The following ADAMTS9 variants were observed in gnomAD, a reference collection of about 807,000 sequenced individuals.
ADAMTS9 encodes ADAM metallopeptidase with thrombospondin type 1 motif 9.
ADAMTS9 carries 107 observed loss-of-function variants against 257.1 expected under a neutral mutation model. That is an observed-to-expected ratio of 0.42 (90% CI 0.36 to 0.49). The LOEUF is 0.49. Ranked by LOEUF, ADAMTS9 falls within the 20% of genes least tolerant of loss-of-function variation. ADAMTS9 has a pLI of 0.03. For missense variants in ADAMTS9, 2,353 were observed against 2,469.1 expected (o/e 0.95, Z 1.00); for synonymous variants, 982 against 880.9 (o/e 1.11, Z -2.03).
chr3:64,525,024 T>C (rs1382630012), intron 38 of ADAMTS9, among the ~76,000 whole-genome samples: 1 of 152,198 alleles, frequency 6.6e-6, no homozygotes. Flanking sequence ...CTTCCTGACC[T>C]GGTTATCTGC....
At chr3:64,668,341 C>T (rs946768852) in intron 3 of ADAMTS9, among the ~76,000 whole-genome samples, 4 of 152,218 alleles carry the variant, frequency 2.6e-5, no homozygotes, top group African/African-American at 9.6e-5. Context: ...ACACTAGCCA[C>T]ATCTCAAGGG....
intron 28 of ADAMTS9, chr3:64,587,620 T>C (rs1181879845): frequency 6.6e-6 from 1 of 152,144 alleles, no homozygotes; most frequent in Non-Finnish European, 1.5e-5. Context: ...GCATAAGCTC[T>C]TTCTCATAAG....
At chr3:64,679,816 G>A (rs548220820) in intron 3 of ADAMTS9, among the ~76,000 whole-genome samples, 10 of 152,248 alleles carry the variant, frequency 6.6e-5, no homozygotes, top group East Asian at 1.9e-4. Flanking sequence ...TTACTAGCAC[G>A]GTCAAAACTG....
intron 37 of ADAMTS9, among the ~76,000 whole-genome samples, chr3:64,538,617 A>G (rs897734650): frequency 3.3e-5 from 5 of 152,118 alleles, no homozygotes; most frequent in African/African-American, 1.2e-4. Flanking sequence ...TTTTCTGTCT[A>G]ATCCATGTAA....
At position 64,681,835 on chromosome 3, in the gene ADAMTS9, C is replaced by T. The variant is rs77093421; in HGVS notation, c.517-472G>A. On this transcript the variant is annotated intron_variant, in intron 2 of 39. Coordinates refer to ENST00000498707, the MANE Select transcript of ADAMTS9 (RefSeq NM_182920.2). ...TTGATTTGACTTCAGTTGATTGTAC[C>T]TGCTATCCAAATCTGTCTCTAAGAA... is the stretch of plus-strand genomic sequence containing the variant. Among the ~76,000 whole-genome samples, 5 of 152,264 alleles carry T rather than the reference C, an allele frequency of 3.3e-5. No homozygotes were observed. In the East Asian group the frequency reaches 9.7e-4, roughly 29 times the overall value.
Position 64,568,420 on chromosome 3 carries a change from C to G in ADAMTS9, c.4472G>C (p.Arg1491Thr). ...CKHLAKPHGH[R>T]KCRGGRCPKW... Reference sequence around the variant, plus strand: ...GGGGCATCTTCCTCCTCGGCACTTTCTGTGCCCATGTGGCTTAGCCAGGTG... The same window carrying G: ...GGGGCATCTTCCTCCTCGGCACTTTGTGTGCCCATGTGGCTTAGCCAGGTG... Residue 1491 changes from arginine (R) to threonine (T), a missense_variant, in exon 29 of 40, where the codon AGA becomes ACA. Around this residue, in one of 3 missense-constraint regions of ADAMTS9, gnomAD observed 1,402 missense variants for 1,441.4 expected, o/e 0.97. Transcript: ENST00000498707. The G allele has an allele frequency of 1.2e-6, 2 of 1,613,528 alleles. No homozygotes were observed. Among genetic ancestry groups the G allele is most frequent in the Non-Finnish European group, 1.7e-6 (2 of 1,179,888 alleles).
rs141950287 is a variant in ADAMTS9, at chr3:64,644,557, A to C, written c.1711-2564T>G. ...TTTTCCAAAGTTTCCCTACGGATAG[A>C]GGTGGTCAGAGAGATGTAAGCAGAA... On this transcript the variant is annotated intron_variant, in intron 11 of 39. Transcript: ENST00000498707. 1.4e-3 allele frequency among the ~76,000 whole-genome samples: 215 copies of C among 152,286 alleles called. 2 individuals are homozygous for C. The highest frequency in any genetic ancestry group is 4.9e-3 in the African/African-American group (202 of 41,552).
rs1476310596 is a variant in ADAMTS9 at position 64,655,832 on chromosome 3, T to G, written c.1013A>C (p.Asn338Thr). 6.4e-7 allele frequency: 1 copy of G among 1,572,064 alleles called. No homozygotes were observed. The highest frequency in any genetic ancestry group is 1.4e-5 in the African/African-American group (1 of 72,386). ...YKDPSIGNLI[N>T]IVIVNLIVIH... Reference sequence around the variant, plus strand: ...CACAATTAAGTTCACAATAACAATATTAATTAAATTTCCAATACTTGGGTC... The same window carrying G: ...CACAATTAAGTTCACAATAACAATAGTAATTAAATTTCCAATACTTGGGTC... The change falls in exon 5 of 40, where the codon AAT (asparagine) becomes ACT (threonine). Residue 338 changes from asparagine (N) to threonine (T), a missense_variant. Around this residue, in one of 3 missense-constraint regions of ADAMTS9, gnomAD observed 591 missense variants for 569.6 expected, o/e 1.04. Coordinates refer to ENST00000498707, the MANE Select transcript of ADAMTS9 (RefSeq NM_182920.2).
intron 16 of ADAMTS9, 95 bp from the exon 17 acceptor site, chr3:64,622,681 T>C: frequency 7.3e-7 from 1 of 1,377,338 alleles, no homozygotes; most frequent in Non-Finnish European, 1.0e-6. Flanking sequence ...AGAGTCGCTG[T>C]GCACGGAATG....
chr3:64,560,375 A>G (rs1406713656), intron 30 of ADAMTS9, among the ~76,000 whole-genome samples: 1 of 152,198 alleles, frequency 6.6e-6, no homozygotes, highest in Non-Finnish European at 1.5e-5. Context: ...TGAGTTTCCT[A>G]AAGAAAAGAA....
At chr3:64,595,061 G>C (rs777789002) in intron 27 of ADAMTS9, among the ~76,000 whole-genome samples, 1 of 138,550 alleles carries the variant, frequency 7.2e-6, no homozygotes, top group Non-Finnish European at 1.5e-5. Flanking sequence ...AAGATTCTTT[G>C]AGAAATACCA....
chr3:64,678,289 A>G (rs1240290105), intron 3 of ADAMTS9, among the ~76,000 whole-genome samples: 1 of 152,238 alleles, frequency 6.6e-6, no homozygotes, highest in Non-Finnish European at 1.5e-5. Flanking sequence ...CTCCAGTTCC[A>G]GTATCCTATC....
chr3:64,521,090 A>C (rs2082846438), intron 39 of ADAMTS9, among the ~76,000 whole-genome samples: 1 of 152,182 alleles, frequency 6.6e-6, no homozygotes, highest in African/African-American at 2.4e-5. Flanking sequence ...GAACTTAAGC[A>C]AATCAACAAG....
intron 3 of ADAMTS9, among the ~76,000 whole-genome samples, chr3:64,658,997 T>C (rs1404279073): frequency 6.6e-6 from 1 of 152,220 alleles, no homozygotes; most frequent in Non-Finnish European, 1.5e-5. Context: ...GAAGCTTTCA[T>C]ACTTGCTCGC....
chr3:64,589,774 G>T lies in ADAMTS9; in HGVS notation c.4356+4484C>A, dbSNP rs115129139. 659 of 152,208 alleles carry T rather than the reference G, an allele frequency of 4.3e-3. 5 individuals are homozygous for T. The highest frequency in any genetic ancestry group is 0.015 in the African/African-American group (628 of 41,540). The allele number at this position is 152,208 out of a possible 1,614,324, so 9.4% of individuals were successfully genotyped here. A position where few individuals can be genotyped will look rare whatever the true frequency, so the allele number is the denominator to read the frequency against. ...CCTCCGGGTCATTTTTATGATTTAG[G>T]TATTTTTTGAAAAGGGTAGGCTCTC... On this transcript the variant is annotated intron_variant, in intron 28 of 39. Coordinates refer to ENST00000498707, the MANE Select transcript of ADAMTS9 (RefSeq NM_182920.2).
intron 30 of ADAMTS9, among the ~76,000 whole-genome samples, chr3:64,552,525 C>G (rs1425969458): frequency 2.0e-5 from 3 of 151,896 alleles, no homozygotes; most frequent in African/African-American, 7.3e-5. Flanking sequence ...GCTTATCTAA[C>G]AACTGTGATT....
intron 28 of ADAMTS9, chr3:64,569,068 G>T: frequency 6.5e-6 from 1 of 154,916 alleles, no homozygotes; most frequent in Non-Finnish European, 1.4e-5. Context: ...AGGTAAGCTA[G>T]CAGGTAAGTC....
intron 27 of ADAMTS9, 80 bp from the exon 28 acceptor site, chr3:64,594,514 C>A: frequency 1.3e-6 from 2 of 1,546,732 alleles, no homozygotes; most frequent in Middle Eastern, 1.7e-4. Flanking sequence ...AATTTCTTAG[C>A]CAAACTCAAT....
In ADAMTS9 at chr3:64,547,475, T is replaced by A. The variant is rs906149936; in HGVS notation, c.4870-523A>T. The stretch of plus-strand genomic sequence containing the variant: ...TGTTGGCTTTCCTACCTGCCCTCCA[T>A]TTAATTTCTTTCTCCTATCTCTCTC... On this transcript the variant is annotated intron_variant, in intron 31 of 39. Transcript: ENST00000498707. Among the ~76,000 whole-genome samples the A allele has an allele frequency of 3.1e-4, 47 of 151,532 alleles. 1 individual carries two copies. Among genetic ancestry groups the A allele is most frequent in the Non-Finnish European group, 2.9e-5 (2 of 67,868 alleles).
Sources: allele counts gnomAD v4.1 joint callset (sites outside exome capture counted in the v4.1 genomes callset), GRCh38; gene constraint gnomAD v4.1.1; regional missense constraint gnomAD v4.1.1; transcripts MANE v1.5; gene names NCBI Gene and HGNC (gene_info 2026-07-23, HGNC 2026-07-21).